Variants in ADAMTSL1 observed in about 807,000 individuals in gnomAD.
ADAMTSL1 encodes ADAMTS-like protein 1.
In ADAMTSL1, 126 loss-of-function variants were observed where a neutral mutation model predicts 201.8. That is an observed-to-expected ratio of 0.62 (90% confidence interval 0.54 to 0.72). The LOEUF (loss-of-function observed/expected upper bound fraction) is 0.72, where lower values mean the gene tolerates loss of function less well. ADAMTSL1 is among the 30% of genes least tolerant of loss of function. ADAMTSL1 has a pLI of 0.00. For missense variants in ADAMTSL1, 2,679 were observed against 2,277.8 expected (o/e 1.18, Z -3.59); for synonymous variants, 1,121 against 903.4 (o/e 1.24, Z -4.32).
chr9:18,297,008 C>T (rs1226841529), intron 2 of ADAMTSL1, among the ~76,000 whole-genome samples: 1 of 152,162 alleles, frequency 6.6e-6, no homozygotes, highest in African/African-American at 2.4e-5. Context: ...CCACCAGGCT[C>T]TTCTGATGTA....
chr9:18,675,257 G>A (rs1254745871), intron 9 of ADAMTSL1, among the ~76,000 whole-genome samples: 1 of 152,072 alleles, frequency 6.6e-6, no homozygotes, highest in African/African-American at 2.4e-5. Context: ...ATTTGCCTTT[G>A]CTAATAGTTG....
At chr9:18,603,536 G>T (rs778413527) in intron 4 of ADAMTSL1, among the ~76,000 whole-genome samples, 1 of 152,154 alleles carries the variant, frequency 6.6e-6, no homozygotes, top group Non-Finnish European at 1.5e-5. Context: ...AGAGGCCATA[G>T]GACCAGCTGG....
At chr9:18,157,699 A>C (rs1587183152) in intron 1 of ADAMTSL1, among the ~76,000 whole-genome samples, 1 of 152,152 alleles carries the variant, frequency 6.6e-6, no homozygotes, top group East Asian at 1.9e-4. Flanking sequence ...GAACAAACAG[A>C]ATACTGAAAT....
intron 1 of ADAMTSL1, among the ~76,000 whole-genome samples, chr9:18,095,950 A>T (rs950959349): frequency 3.3e-5 from 5 of 152,026 alleles, no homozygotes; most frequent in African/African-American, 1.2e-4. Flanking sequence ...GTTATTTTTG[A>T]TTCTTATTCA....
At chr9:18,593,005 T>C (rs182597335) in intron 4 of ADAMTSL1, among the ~76,000 whole-genome samples, 62 of 152,316 alleles carry the variant, frequency 4.1e-4, no homozygotes, top group African/African-American at 1.5e-3. Flanking sequence ...TTTCTTGATA[T>C]CTTTTTCAGA....
At chr9:18,381,094 A>G (rs989900958) in intron 2 of ADAMTSL1, among the ~76,000 whole-genome samples, 1 of 152,212 alleles carries the variant, frequency 6.6e-6, no homozygotes, top group African/African-American at 2.4e-5. Context: ...TGAAAATGAA[A>G]TGCACTTGAA....
intron 2 of ADAMTSL1, among the ~76,000 whole-genome samples, chr9:18,414,495 A>C (rs1187808006): frequency 1.3e-5 from 2 of 152,350 alleles, no homozygotes; most frequent in African/African-American, 4.8e-5. Flanking sequence ...AACCAAAAAA[A>C]CAAACAAAAA....
At chr9:18,650,145 C>G (rs1828130525) in intron 7 of ADAMTSL1, among the ~76,000 whole-genome samples, 1 of 152,212 alleles carries the variant, frequency 6.6e-6, no homozygotes, top group African/African-American at 2.4e-5. Flanking sequence ...TGATCTCTGA[C>G]TGCTTTGCTA....
At position 17,948,988 on chromosome 9, in the gene ADAMTSL1, A is replaced by C. The variant is rs374910638; in HGVS notation, c.87+42066A>C. Among the ~76,000 whole-genome samples the C allele has an allele frequency of 7.2e-5, 11 of 152,322 alleles. No individual in the cohort carries two copies. In the East Asian group the frequency reaches 2.1e-3, roughly 29 times the overall value. ...ATACTGTATTGAGGATCAGATAGCT[A>C]GTTAAAAAATATCTGTATGATTCTG... On this transcript the variant is annotated intron_variant, in intron 1 of 29. Coordinates refer to the ADAMTSL1 transcript ENST00000680146.
chr9:18,105,119 C>A (rs1055227608), intron 1 of ADAMTSL1, among the ~76,000 whole-genome samples: 1 of 152,142 alleles, frequency 6.6e-6, no homozygotes, highest in Non-Finnish European at 1.5e-5. Flanking sequence ...GGGTCTACCC[C>A]TAATGAGATG....
chr9:18,368,595 A>G (rs2133115335), intron 2 of ADAMTSL1, among the ~76,000 whole-genome samples: 1 of 152,334 alleles, frequency 6.6e-6, no homozygotes, highest in South Asian at 2.1e-4. Flanking sequence ...ATTGGAGTGT[A>G]GAATAGTCTG....
intron 2 of ADAMTSL1, among the ~76,000 whole-genome samples, chr9:18,517,465 T>A (rs1009551778): frequency 6.6e-6 from 1 of 152,100 alleles, no homozygotes; most frequent in Non-Finnish European, 1.5e-5. Context: ...ATGTGCACAT[T>A]GTGCAGGTTA....
chr9:18,503,184 A>G (rs1355044758), intron 1 of ADAMTSL1, among the ~76,000 whole-genome samples: 3 of 151,738 alleles, frequency 2.0e-5, no homozygotes, highest in Non-Finnish European at 4.4e-5. Context: ...GAAATTCTGC[A>G]TCCATAAAAC....
intron 2 of ADAMTSL1, among the ~76,000 whole-genome samples, chr9:18,234,024 C>T (rs150953893): frequency 8.6e-4 from 131 of 152,306 alleles, no homozygotes; most frequent in Non-Finnish European, 1.3e-3. Context: ...GAAGTGAGAA[C>T]GCCTGTGAAG....
intron 23 of ADAMTSL1, among the ~76,000 whole-genome samples, chr9:18,870,664 C>T (rs1273990119): frequency 6.6e-6 from 1 of 151,504 alleles, no homozygotes; most frequent in African/African-American, 2.4e-5. Flanking sequence ...AAGCCATTTT[C>T]AGGCAAAAAA....
intron 3 of ADAMTSL1, among the ~76,000 whole-genome samples, chr9:18,569,192 C>A (rs1157330913): frequency 2.0e-5 from 3 of 152,098 alleles, no homozygotes; most frequent in Non-Finnish European, 4.4e-5. Context: ...CTTATCTTTC[C>A]CACTGGATAG....
rs891745066 is a variant in ADAMTSL1, at chr9:18,722,782, T to C, written c.2006+1117T>C. Among the ~76,000 whole-genome samples the C allele has an allele frequency of 3.9e-5, 6 of 152,164 alleles. No homozygotes were observed. In the South Asian group the frequency reaches 1.0e-3, roughly 26 times the overall value. ...CATGCTATATTCTCCAAGGCAACCA[T>C]AAAATCAGTCAGCCACTGCTTTGGA... On this transcript the variant is annotated intron_variant, in intron 15 of 28. Transcript: ENST00000380548.
intron 4 of ADAMTSL1, among the ~76,000 whole-genome samples, chr9:18,606,044 T>C (rs1286071314): frequency 6.6e-6 from 1 of 152,094 alleles, no homozygotes; most frequent in Non-Finnish European, 1.5e-5. Context: ...TTGCTGGCTT[T>C]TGGCAGGGCT....
intron 1 of ADAMTSL1, among the ~76,000 whole-genome samples, chr9:18,043,381 A>T (rs1370201712): frequency 3.3e-5 from 5 of 152,172 alleles, no homozygotes; most frequent in Non-Finnish European, 7.4e-5. Flanking sequence ...GGATGTGTAT[A>T]CATTTTTGGG....
Sources: allele counts gnomAD v4.1 joint callset (sites outside exome capture counted in the v4.1 genomes callset), GRCh38; gene constraint gnomAD v4.1.1; transcripts MANE v1.5; gene names NCBI Gene and HGNC (gene_info 2026-07-23, HGNC 2026-07-21).